NDUFS7: variants seen among roughly 807,000 people sequenced by gnomAD.
NDUFS7 encodes the protein NADH dehydrogenase [ubiquinone] iron-sulfur protein 7, mitochondrial.
Under a neutral mutation model 31.1 loss-of-function variants are expected in NDUFS7, and 11 were observed. That is an observed-to-expected ratio of 0.35 (90% CI 0.22 to 0.59). The LOEUF is 0.59. Ranked by LOEUF, NDUFS7 falls within the 20% of genes least tolerant of loss-of-function variation. The probability of loss-of-function intolerance (pLI) is 0.79; values close to 1 mark genes in which losing one functional copy is unlikely to be tolerated. For synonymous variants in NDUFS7, 136 were observed against 127.9 expected (o/e 1.06, Z -0.43); for missense variants, 263 against 324.2 (o/e 0.81, Z 1.45).
chr19:1,395,261 C>T (rs925044037), intron 7 of NDUFS7, 130 bp from the exon 8 acceptor site: 10 of 1,474,762 alleles, frequency 6.8e-6, no homozygotes, highest in Non-Finnish European at 9.0e-6. Context: ...ACTGCGCCCA[C>T]CCAGGGCTGT....
Position 1,384,407 on chromosome 19 carries a change from C to T in NDUFS7, c.16+465C>T, listed in dbSNP as rs2082494427. Among the ~76,000 whole-genome samples the T allele has an allele frequency of 3.3e-5, 5 of 152,340 alleles. No individual in the cohort carries two copies. In the South Asian group the frequency reaches 1.0e-3, roughly 32 times the overall value. On this transcript the variant is annotated intron_variant, in intron 1 of 7. Coordinates refer to ENST00000233627, the MANE Select transcript of NDUFS7 (RefSeq NM_024407.5). Reference sequence around the variant, plus strand: ...CCCTGCTGGACCCTCCACCTCCCTCCCCACCCCTGGGAGGTAAGGGCCTCT... The same window carrying T: ...CCCTGCTGGACCCTCCACCTCCCTCTCCACCCCTGGGAGGTAAGGGCCTCT...
At chr19:1,387,649 C>A in intron 1 of NDUFS7, 162 bp from the exon 2 acceptor site, 2 of 683,036 alleles carry the variant, frequency 2.9e-6, no homozygotes, top group South Asian at 3.1e-5. Flanking sequence ...AAGACTCTCT[C>A]GTGTTCTGAA....
At chr19:1,385,620 A>G (rs1431261949) in intron 1 of NDUFS7, among the ~76,000 whole-genome samples, 1 of 152,154 alleles carries the variant, frequency 6.6e-6, no homozygotes, top group East Asian at 1.9e-4. Flanking sequence ...GGAGTTCAAG[A>G]CCAGCCTGAT....
chr19:1,383,963 G>T, intron 1 of NDUFS7, 21 bp downstream of exon 1: 1 of 1,562,912 alleles, frequency 6.4e-7, no homozygotes, highest in Admixed American at 1.9e-5. Flanking sequence ...CACCGGCGGC[G>T]GGTGTGGGGC....
intron 7 of NDUFS7, chr19:1,394,564 TCCTCCCTCCCTGC>T (rs1568998498): frequency 8.1e-7 from 1 of 1,233,562 alleles, no homozygotes; most frequent in Non-Finnish European, 1.0e-6. Flanking sequence ...GGGACCGCGC[TCCTCCCTCCCTGC>T]GGACCGCGCT....
At chr19:1,394,096 C>G in intron 7 of NDUFS7, 1 of 330,654 alleles carries the variant, frequency 3.0e-6, no homozygotes, top group Non-Finnish European at 6.0e-6. Flanking sequence ...TTAGCTCATG[C>G]GCAGAGAGCC....
intron 7 of NDUFS7, chr19:1,394,433 C>A: frequency 7.8e-7 from 1 of 1,278,494 alleles, no homozygotes; most frequent in Non-Finnish European, 1.0e-6. Context: ...GCTCCTCCCT[C>A]CCTGGGGACC....
chr19:1,387,933 G>GGGCCCCCCC, intron 2 of NDUFS7, 86 bp downstream of exon 2: 1 of 385,716 alleles, frequency 2.6e-6, no homozygotes, highest in Non-Finnish European at 5.1e-6. Flanking sequence ...GGGGTGGGGG[G>GGGCCCCCCC]AGCGCCTTGT....
chr19:1,387,746 G>T, intron 1 of NDUFS7, 65 bp from the exon 2 acceptor site: 1 of 1,497,136 alleles, frequency 6.7e-7, no homozygotes, highest in Non-Finnish European at 9.2e-7. Context: ...ATGGGGAAGC[G>T]CCTGGAGGCC....
At chr19:1,389,907 C>CTTTT in intron 4 of NDUFS7, 1 of 180,452 alleles carries the variant, frequency 5.5e-6, no homozygotes, top group South Asian at 9.3e-5. Flanking sequence ...CTTTTCTTTT[C>CTTTT]TTTTTTTTTT....
At chr19:1,389,343 A>C in intron 4 of NDUFS7, 1 of 480,222 alleles carries the variant, frequency 2.1e-6, no homozygotes, top group Non-Finnish European at 4.1e-6. Flanking sequence ...ACATGCACAC[A>C]CGTCCTTGTG....
chr19:1,391,283 G>T, intron 6 of NDUFS7, 118 bp downstream of exon 6: 1 of 1,314,396 alleles, frequency 7.6e-7, no homozygotes, highest in Non-Finnish European at 1.1e-6. Context: ...ACGTGGTCCC[G>T]GCGCTGCCCT....
intron 7 of NDUFS7, chr19:1,394,867 T>C: frequency 8.8e-7 from 1 of 1,132,516 alleles, no homozygotes; most frequent in Non-Finnish European, 1.1e-6. Context: ...AGCCCTTTGT[T>C]CTGAACCTGC....
At chr19:1,388,142 G>A in intron 2 of NDUFS7, 1 of 593,482 alleles carries the variant, frequency 1.7e-6, no homozygotes, top group Non-Finnish European at 3.0e-6. Flanking sequence ...GCCCTGTGCA[G>A]ATGGCAGCTG....
intron 1 of NDUFS7, among the ~76,000 whole-genome samples, chr19:1,387,423 G>C (rs991018304): frequency 2.6e-5 from 4 of 152,252 alleles, no homozygotes; most frequent in African/African-American, 9.6e-5. Flanking sequence ...CCTGCCTCAT[G>C]AGAAGGGGCC....
At chr19:1,390,807 G>A (rs1250604669) in intron 4 of NDUFS7, 64 bp from the exon 5 acceptor site, 4 of 1,554,836 alleles carry the variant, frequency 2.6e-6, no homozygotes, top group Non-Finnish European at 3.5e-6. Context: ...GCTCCACGTG[G>A]AGTCTCACGC....
Position 1,388,813 on chromosome 19 carries a change from C to A in NDUFS7, c.123-20C>A, listed in dbSNP as rs619693. On this transcript the variant is annotated intron_variant, in intron 3 of 7. Transcript: ENST00000233627. ...ACCTGCGTGGCTGACGCCTCCTGTGCCCGTGTGTCTCTGTGCCAGCACCCA... is the reference window on the plus strand; with the variant it reads ...ACCTGCGTGGCTGACGCCTCCTGTGACCGTGTGTCTCTGTGCCAGCACCCA... 2.9e-5 allele frequency: 45 copies of A among 1,575,200 alleles called. No individual in the cohort carries two copies. In the East Asian group the frequency reaches 9.1e-4, roughly 32 times the overall value.
intron 4 of NDUFS7, 30 bp downstream of exon 4, chr19:1,388,968 G>T: frequency 6.4e-7 from 1 of 1,552,238 alleles, no homozygotes. Context: ...GGCCCTCCTC[G>T]AGCGCCAGGG....
At chr19:1,389,117 CGCACACTCACGCACACAATGCACATAT>C (rs1316478791) in intron 4 of NDUFS7, 179 bp downstream of exon 4, 2 of 707,906 alleles carry the variant, frequency 2.8e-6, no homozygotes, top group Admixed American at 2.0e-5. Flanking sequence ...ACGGACCACA[CGCACACTCACGCACACAATGCACATAT>C]GCACACTCGC....
Sources: gnomAD v4.1 joint callset for allele counts (sites outside exome capture counted in the v4.1 genomes callset) on GRCh38, gnomAD v4.1.1 for gene constraint, MANE v1.5 for transcripts, NCBI Gene and HGNC (gene_info 2026-07-23, HGNC 2026-07-21) for gene names.